CHD9: variants seen among roughly 807,000 people sequenced by gnomAD.
CHD9 encodes the protein ATP-dependent chromatin remodeler CHD9.
Under a neutral mutation model 316.1 loss-of-function variants are expected in CHD9, and 77 were observed. That is an observed-to-expected ratio of 0.24 (90% CI 0.20 to 0.29). The LOEUF is 0.29. CHD9 is among the 10% of genes least tolerant of loss of function. CHD9 has a pLI of 1.00. For synonymous variants in CHD9, 1,129 were observed against 1,158.3 expected (o/e 0.97, Z 0.51); for missense variants, 2,763 against 3,438.1 (o/e 0.80, Z 4.91).
At chr16:53,131,853 T>C (rs908604151) in intron 1 of CHD9, among the ~76,000 whole-genome samples, 1 of 152,118 alleles carries the variant, frequency 6.6e-6, no homozygotes, top group South Asian at 2.1e-4. Flanking sequence ...TTCCCCGCGA[T>C]CCTTCACCCC....
At chr16:53,203,456 T>C (rs2045619165) in intron 2 of CHD9, among the ~76,000 whole-genome samples, 2 of 152,122 alleles carry the variant, frequency 1.3e-5, no homozygotes, top group South Asian at 4.1e-4. Flanking sequence ...TCACCACTGG[T>C]TCTCTTCTGT....
chr16:53,114,288 C>A (rs559428325), intron 1 of CHD9, among the ~76,000 whole-genome samples: 2 of 152,076 alleles, frequency 1.3e-5, no homozygotes, highest in African/African-American at 4.8e-5. Context: ...GATGGAGTCT[C>A]GCTCTGTTGC....
intron 12 of CHD9, among the ~76,000 whole-genome samples, chr16:53,238,853 C>T (rs1328536621): frequency 6.6e-6 from 1 of 152,086 alleles, no homozygotes; most frequent in Non-Finnish European, 1.5e-5. Flanking sequence ...CTTAATTTTT[C>T]AACTAGAATA....
chr16:53,170,403 T>C (rs530939716), intron 2 of CHD9, among the ~76,000 whole-genome samples: 8 of 152,318 alleles, frequency 5.3e-5, no homozygotes, highest in Admixed American at 3.3e-4. Context: ...GGAAGCCCTG[T>C]CAAGCCAACT....
intron 2 of CHD9, among the ~76,000 whole-genome samples, chr16:53,167,670 A>C (rs75925643): frequency 6.6e-6 from 1 of 152,112 alleles, no homozygotes; most frequent in Non-Finnish European, 1.5e-5. Flanking sequence ...CTTCAAATAC[A>C]TATTATATAC....
At chr16:53,086,072 A>G (rs984163817) in intron 1 of CHD9, among the ~76,000 whole-genome samples, 1 of 152,192 alleles carries the variant, frequency 6.6e-6, no homozygotes, top group African/African-American at 2.4e-5. Flanking sequence ...CTGAGAATCC[A>G]TATGTTTGAG....
intron 37 of CHD9, chr16:53,321,070 T>C (rs1159116784): frequency 2.5e-6 from 1 of 401,638 alleles, no homozygotes; most frequent in Non-Finnish European, 4.7e-6. Flanking sequence ...ATATTTATTA[T>C]GTGACAGGCA....
In CHD9 at chr16:53,055,916, C is replaced by A. The variant is rs1346152575; in HGVS notation, c.-165+839C>A. Among the ~76,000 whole-genome samples, 3 of 152,166 alleles carry A rather than the reference C, an allele frequency of 2.0e-5. No homozygotes were observed. The East Asian group carries it at 5.8e-4, about 29-fold the overall frequency. ...GAAGGGGGTTCCTCCCCACCCTGAT[C>A]CCAGAGAAGATCAGGAGACTGGCTG... On this transcript the variant is annotated intron_variant, in intron 1 of 38. Transcript: ENST00000447540.
intron 10 of CHD9, among the ~76,000 whole-genome samples, chr16:53,234,825 C>A (rs200362670): frequency 6.7e-6 from 1 of 149,732 alleles, no homozygotes; most frequent in Non-Finnish European, 1.5e-5. Flanking sequence ...AAAAAAAAAA[C>A]AAAACCTACT....
At chr16:53,105,274 C>G (rs191096390) in intron 1 of CHD9, among the ~76,000 whole-genome samples, 24 of 152,056 alleles carry the variant, frequency 1.6e-4, no homozygotes, top group African/African-American at 5.5e-4. Context: ...CTAGAAGAAG[C>G]CAATAATTTC....
chr16:53,227,109 T>A, intron 5 of CHD9: 1 of 241,368 alleles, frequency 4.1e-6, no homozygotes. Context: ...ATGGAAATGA[T>A]AATAATGAAG....
intron 26 of CHD9, among the ~76,000 whole-genome samples, chr16:53,286,696 C>G (rs925002146): frequency 2.0e-5 from 3 of 152,064 alleles, no homozygotes; most frequent in Non-Finnish European, 4.4e-5. Flanking sequence ...ATAGTCATCC[C>G]TCAATATCCA....
intron 3 of CHD9, among the ~76,000 whole-genome samples, chr16:53,210,290 CAAA>C (rs5816890): frequency 5.3e-5 from 6 of 112,156 alleles, no homozygotes; most frequent in African/African-American, 6.5e-5. Flanking sequence ...AATGAAATGG[CAAA>C]AAAAAAAAAA....
chr16:53,222,023 C>A (rs2047282256), intron 3 of CHD9, among the ~76,000 whole-genome samples: 2 of 145,388 alleles, frequency 1.4e-5, no homozygotes, highest in Non-Finnish European at 3.0e-5. Flanking sequence ...ACTTGATTGC[C>A]TTTTTTTTTT....
intron 34 of CHD9, 90 bp downstream of exon 34, chr16:53,308,944 TTTTCCTTTG>T: frequency 9.5e-7 from 1 of 1,048,174 alleles, no homozygotes; most frequent in South Asian, 1.7e-5. Flanking sequence ...AAAAATTTAT[TTTTCCTTTG>T]TTGGAACCTC....
chr16:53,075,541 TG>T (rs1252654762), intron 1 of CHD9, among the ~76,000 whole-genome samples: 1 of 152,154 alleles, frequency 6.6e-6, no homozygotes, highest in Non-Finnish European at 1.5e-5. Context: ...ATTTGAATCA[TG>T]GGGGCGGTTT....
In CHD9 at chr16:53,209,795, A is replaced by G. The variant is rs778589471; in HGVS notation, c.1766A>G (p.Lys589Arg). 14 of 1,573,954 alleles carry G rather than the reference A, an allele frequency of 8.9e-6. No individual in the cohort carries two copies. The highest frequency in any genetic ancestry group is 5.5e-5 in the African/African-American group (4 of 73,134). Reference sequence around the variant, plus strand: ...AAAACAAAAACATGTTCTAAGTTAAAAGAGAAGACAAAAATTGGGTAAGTT... The same window carrying G: ...AAAACAAAAACATGTTCTAAGTTAAGAGAGAAGACAAAAATTGGGTAAGTT... ...SKKTKTCSKLKEKTKIGKLII... is the reference protein window; with the variant it reads ...SKKTKTCSKLREKTKIGKLII... Residue 589 changes from lysine to arginine, a missense_variant, in exon 3 of 39, where the codon AAA (lysine) becomes AGA (arginine). This residue lies in a region of CHD9 where 859 missense variants were observed against 890.4 expected (regional missense o/e 0.96). Coordinates refer to ENST00000447540, the MANE Select transcript of CHD9 (RefSeq NM_001308319.2).
At chr16:53,150,343 G>T (rs1471492155) in intron 1 of CHD9, among the ~76,000 whole-genome samples, 1 of 151,476 alleles carries the variant, frequency 6.6e-6, no homozygotes, top group Non-Finnish European at 1.5e-5. Flanking sequence ...TATTTTAAAT[G>T]CCAAGTTAGT....
intron 24 of CHD9, among the ~76,000 whole-genome samples, chr16:53,283,875 C>T (rs1354914160): frequency 1.3e-5 from 2 of 152,072 alleles, no homozygotes; most frequent in African/African-American, 4.8e-5. Context: ...TCTCTTCATC[C>T]ACTTCCTTAT....
Sources: allele counts gnomAD v4.1 joint callset (sites outside exome capture counted in the v4.1 genomes callset), GRCh38; gene constraint gnomAD v4.1.1; regional missense constraint gnomAD v4.1.1; transcripts MANE v1.5; gene names NCBI Gene and HGNC (gene_info 2026-07-23, HGNC 2026-07-21).